The following VPS13C variants were observed in gnomAD, a reference collection of about 807,000 sequenced individuals.
VPS13C encodes intermembrane lipid transfer protein VPS13C.
In VPS13C, 358 loss-of-function variants were observed where a neutral mutation model predicts 456.8. The ratio of observed to expected loss-of-function variants is 0.78; its 90% CI spans 0.72 to 0.86. VPS13C has a LOEUF of 0.86. Among genes scored for constraint, VPS13C ranks in the 40% least tolerant of loss-of-function variants. VPS13C has a pLI of 0.00. For missense variants in VPS13C, 4,818 were observed against 4,385.4 expected (o/e 1.10, Z -2.79); for synonymous variants, 1,578 against 1,486.7 (o/e 1.06, Z -1.41).
intron 75 of VPS13C, 101 bp from the exon 76 acceptor site, chr15:61,875,946 G>C (rs1895392596): frequency 1.2e-6 from 1 of 816,200 alleles, no homozygotes; most frequent in African/African-American, 1.8e-5. Flanking sequence ...TTAAGTTTGT[G>C]TTAAAAGAAA....
Position 61,880,911 on chromosome 15 carries a change from G to C in VPS13C, c.9820C>G (p.Gln3274Glu). 6.2e-7 allele frequency: 1 copy of C among 1,609,886 alleles called. No individual in the cohort carries two copies. The highest frequency in any genetic ancestry group is 8.5e-7 in the Non-Finnish European group (1 of 1,178,188). The change falls in exon 72 of 85, where the codon CAA becomes GAA. Residue 3274 changes from glutamine (Q) to glutamate (E), a missense_variant. By Grantham distance (29) the Gln-to-Glu change is conservative. This residue lies in a region of VPS13C where 4,552 missense variants were observed against 4,130.6 expected (regional missense o/e 1.10). Transcript: ENST00000644861. ...GCAATAATAGCTCCTAGAAACCCTTGATCAATTTTTAAGGCCATTTCCTGA... is the reference window on the plus strand; with the variant it reads ...GCAATAATAGCTCCTAGAAACCCTTCATCAATTTTTAAGGCCATTTCCTGA... ...LIQEMALKID[Q>E]GFLGAIIALF...
chr15:61,982,680 A>C, intron 20 of VPS13C, 107 bp from the exon 21 acceptor site: 1 of 691,784 alleles, frequency 1.4e-6, no homozygotes, highest in Non-Finnish European at 2.4e-6. Flanking sequence ...TGAACTGTGG[A>C]ACTCCTAAGA....
At chr15:62,047,287 G>T (rs1453481580) in intron 1 of VPS13C, among the ~76,000 whole-genome samples, 1 of 151,862 alleles carries the variant, frequency 6.6e-6, no homozygotes, top group Non-Finnish European at 1.5e-5. Flanking sequence ...AATTAGCCGG[G>T]CATGGGCATG....
Position 61,904,648 on chromosome 15 carries a change from C to A in VPS13C, c.9105+2616G>T, listed in dbSNP as rs76232236. On this transcript the variant is annotated intron_variant, in intron 66 of 84. Coordinates refer to ENST00000644861, the MANE Select transcript of VPS13C (RefSeq NM_020821.3). The stretch of plus-strand genomic sequence containing the variant: ...CGCAATTCCGCTGCTTGGTATATAT[C>A]CCAATGAAAGGAAATCAGAATATTG... 3.9e-3 allele frequency among the ~76,000 whole-genome samples: 590 copies of A among 152,032 alleles called. 4 individuals are homozygous for A. Among genetic ancestry groups the A allele is most frequent in the African/African-American group, 0.013 (554 of 41,496 alleles).
At chr15:62,042,799 G>A (rs905900530) in intron 2 of VPS13C, among the ~76,000 whole-genome samples, 1 of 151,918 alleles carries the variant, frequency 6.6e-6, no homozygotes, top group Non-Finnish European at 1.5e-5. Context: ...ATAGCATTAG[G>A]AGATATACCT....
intron 16 of VPS13C, among the ~76,000 whole-genome samples, chr15:61,992,765 C>T (rs1042153250): frequency 6.6e-6 from 1 of 152,054 alleles, no homozygotes; most frequent in African/African-American, 2.4e-5. Flanking sequence ...CCTTGCTGCA[C>T]AAAAGAATCA....
intron 1 of VPS13C, among the ~76,000 whole-genome samples, chr15:62,044,481 A>C (rs1195184443): frequency 1.3e-5 from 2 of 152,182 alleles, no homozygotes; most frequent in Admixed American, 6.5e-5. Context: ...GTTATAACAC[A>C]TTAAACTAGC....
At chr15:61,882,179 G>T (rs906452140) in intron 69 of VPS13C, among the ~76,000 whole-genome samples, 11 of 152,044 alleles carry the variant, frequency 7.2e-5, no homozygotes, top group Admixed American at 1.3e-4. Flanking sequence ...AAAAGAAGAA[G>T]AATTAAAGTA....
chr15:62,019,708 C>G (rs1158150680), intron 9 of VPS13C, among the ~76,000 whole-genome samples: 1 of 151,940 alleles, frequency 6.6e-6, no homozygotes, highest in Non-Finnish European at 1.5e-5. Flanking sequence ...TTACTTCCAA[C>G]TATGTGGTCA....
chr15:62,015,142 T>C (rs1567112020), intron 9 of VPS13C, among the ~76,000 whole-genome samples: 1 of 152,190 alleles, frequency 6.6e-6, no homozygotes, highest in African/African-American at 2.4e-5. Flanking sequence ...ATGACCACTA[T>C]CATTAGTCAC....
At chr15:61,996,836 A>C (rs1326177367) in intron 16 of VPS13C, among the ~76,000 whole-genome samples, 1 of 151,248 alleles carries the variant, frequency 6.6e-6, no homozygotes, top group Non-Finnish European at 1.5e-5. Context: ...GCAGGAAAAA[A>C]AAATGATGAA....
At chr15:62,016,386 A>AG (rs1364791118) in intron 9 of VPS13C, among the ~76,000 whole-genome samples, 2 of 151,198 alleles carry the variant, frequency 1.3e-5, no homozygotes, top group African/African-American at 4.9e-5. Flanking sequence ...CTCGTCATTT[A>AG]CATTAGGTAT....
chr15:61,990,531 C>G (rs977172496), intron 18 of VPS13C, among the ~76,000 whole-genome samples: 2 of 152,106 alleles, frequency 1.3e-5, no homozygotes, highest in African/African-American at 4.8e-5. Flanking sequence ...AAGTTGGAGG[C>G]TGGGCACGGT....
chr15:61,869,410 G>A lies in VPS13C; in HGVS notation c.10748+90C>T, dbSNP rs532588694. On this transcript the variant is annotated intron_variant, in intron 80 of 84. Coordinates refer to ENST00000644861, the MANE Select transcript of VPS13C (RefSeq NM_020821.3). ...TTTCAATTAGACTTTAAGATCCTTA[G>A]GAGCAGGCAAATAATCTAATCTATT... 1.2e-3 allele frequency: 1,714 copies of A among 1,412,416 alleles called. 4 individuals are homozygous for A. The highest frequency in any genetic ancestry group is 3.8e-3 in the South Asian group (262 of 69,818). 87.5% of individuals were successfully genotyped at this position (1,412,416 alleles called of 1,614,324 possible). A position where few individuals can be genotyped will look rare whatever the true frequency, so the allele number is the denominator to read the frequency against.
intron 55 of VPS13C, 123 bp downstream of exon 55, chr15:61,921,824 T>C (rs966132249): frequency 2.3e-6 from 2 of 877,574 alleles, no homozygotes; most frequent in Admixed American, 2.3e-5. Flanking sequence ...TCTGACCTCA[T>C]GGACAGAGCC....
intron 9 of VPS13C, among the ~76,000 whole-genome samples, chr15:62,018,048 A>G (rs891011528): frequency 4.6e-5 from 7 of 152,150 alleles, no homozygotes; most frequent in Admixed American, 4.6e-4. Flanking sequence ...CTTTGAATCA[A>G]TTGTGAATGG....
In VPS13C at chr15:61,869,545, C is replaced by G; in HGVS notation, c.10703G>C (p.Gly3568Ala). 1 of 1,614,138 alleles carries G rather than the reference C, an allele frequency of 6.2e-7. No individual in the cohort carries two copies. Among genetic ancestry groups the G allele is most frequent in the Admixed American group, 1.7e-5 (1 of 60,002 alleles). The change falls in exon 80 of 85, where the codon GGT becomes GCT. Residue 3568 changes from glycine to alanine, a missense_variant. Gly to Ala is a moderately conservative substitution (Grantham distance 60). Coordinates refer to ENST00000644861, the MANE Select transcript of VPS13C (RefSeq NM_020821.3). ...GLVGAVARPT[G>A]GIVDMASSTF... ...ACTACTGGCCATATCTACGATTCCA[C>G]CAGTTGGACGGGCCACAGCACCCAC...
At position 61,890,442 on chromosome 15, in the gene VPS13C, T is replaced by C. The variant is rs754800068; in HGVS notation, c.9106-42A>G. The C allele has an allele frequency of 3.3e-6, 5 of 1,511,992 alleles. 1 individual carries two copies. The South Asian group carries it at 4.7e-5, about 14-fold the overall frequency. 93.7% of individuals were successfully genotyped at this position (1,511,992 alleles called of 1,614,324 possible). On this transcript the variant is annotated intron_variant, in intron 66 of 84. Transcript: ENST00000644861. ...CTTCATTAAACCCACACATAGTAAC[T>C]TGTTATTATATAAAATTGAACTATA... is the stretch of plus-strand genomic sequence containing the variant.
At chr15:62,042,748 G>A (rs939443581) in intron 2 of VPS13C, among the ~76,000 whole-genome samples, 3 of 151,814 alleles carry the variant, frequency 2.0e-5, no homozygotes, top group Admixed American at 2.0e-4. Context: ...CTGGGGAAAG[G>A]AGCTACTTTG....
Sources: gnomAD v4.1 joint callset for allele counts (sites outside exome capture counted in the v4.1 genomes callset) on GRCh38, gnomAD v4.1.1 for gene constraint, gnomAD v4.1.1 regional missense constraint, MANE v1.5 for transcripts, NCBI Gene and HGNC (gene_info 2026-07-23, HGNC 2026-07-21) for gene names.